Variants in FRK observed in about 807,000 individuals in gnomAD.
FRK encodes the protein fyn related Src family tyrosine kinase.
A neutral mutation model predicts 56.4 loss-of-function variants in FRK; 51 were observed. That is an observed-to-expected ratio of 0.90 (90% CI 0.72 to 1.14). The LOEUF (loss-of-function observed/expected upper bound fraction) is 1.14. Among genes scored for constraint, FRK ranks in the 50% most tolerant of loss-of-function variants. The pLI, the probability that FRK is intolerant of heterozygous loss-of-function variation, is 0.00. For missense variants in FRK, 570 were observed against 601.4 expected (o/e 0.95, Z 0.55); for synonymous variants, 245 against 217.9 (o/e 1.12, Z -1.10).
intron 5 of FRK, among the ~76,000 whole-genome samples, chr6:115,944,900 C>CCAGT (rs1772360842): frequency 6.6e-6 from 1 of 151,932 alleles, no homozygotes; most frequent in Non-Finnish European, 1.5e-5. Flanking sequence ...CTCATAGGAC[C>CCAGT]CAGTATATGT....
At position 115,936,584 on chromosome 6, in the gene FRK, G is replaced by T. The variant is rs1772048478; in HGVS notation, c.*5830C>A. ...AAGGAAGTTAAGAACACTGTAAAAA[G>T]ATTAGAGGAATTGCTAACTAGAATA... On this transcript the variant is annotated 3_prime_UTR_variant, in exon 8 of 8. Coordinates refer to ENST00000606080, the MANE Select transcript of FRK (RefSeq NM_002031.3). 1 of 152,146 alleles carries T rather than the reference G, an allele frequency of 6.6e-6. No homozygotes were observed. Among genetic ancestry groups the T allele is most frequent in the African/African-American group, 2.4e-5 (1 of 41,420 alleles). The allele number at this position is 152,146 out of a possible 1,614,324, so 9.4% of individuals were successfully genotyped here.
In FRK at chr6:115,967,653, A is replaced by C; in HGVS notation, c.697T>G (p.Ser233Ala). 6.2e-7 allele frequency: 1 copy of C among 1,613,582 alleles called. No homozygotes were observed. The highest frequency in any genetic ancestry group is 1.3e-5 in the African/African-American group (1 of 74,962). ...CCCAATCGCTTCAGAAGCTGTATGGAGTTGCGGTCTATCTCCCATTGGTCC... is the reference window on the plus strand; with the variant it reads ...CCCAATCGCTTCAGAAGCTGTATGGCGTTGCGGTCTATCTCCCATTGGTCC... ...TVDQWEIDRN[S>A]IQLLKRLGSG... The change falls in exon 4 of 8, where the codon TCC (serine) becomes GCC (alanine). Residue 233 changes from serine to alanine, a missense_variant. Physicochemically the swap from Ser to Ala is moderately conservative, Grantham distance 99. Coordinates refer to ENST00000606080, the MANE Select transcript of FRK (RefSeq NM_002031.3).
chr6:116,068,478 T>C, the FRK span, among the ~76,000 whole-genome samples: 1 of 152,198 alleles, frequency 6.6e-6, no homozygotes, highest in South Asian at 2.1e-4. Context: ...ACTTCGGAAC[T>C]TAGAAGACAT....
chr6:115,972,019 T>C (rs1773822510), intron 2 of FRK, among the ~76,000 whole-genome samples: 1 of 152,224 alleles, frequency 6.6e-6, no homozygotes, highest in East Asian at 1.9e-4. Context: ...TGCAGGCCCT[T>C]TGGGGCTTCC....
At chr6:116,051,497 C>A (rs542434213) in intron 1 of FRK, among the ~76,000 whole-genome samples, 1 of 152,170 alleles carries the variant, frequency 6.6e-6, no homozygotes, top group East Asian at 1.9e-4. Flanking sequence ...TCCAAATAAG[C>A]AATAAAGTAA....
rs762818397 is a variant in FRK, at chr6:116,060,243, T to C, written c.69A>G (p.Ala23=). The C allele has an allele frequency of 1.2e-6, 2 of 1,614,148 alleles. No individual in the cohort carries two copies. Among genetic ancestry groups the C allele is most frequent in the Non-Finnish European group, 1.7e-6 (2 of 1,180,028 alleles). ...EPYLPCLSTE[A]DKSTVIENPG... ...GATTTTCAATCACGGTTGACTTGTC[T>C]GCCTCCGTGGACAAACAGGGGAGAT... The change falls in exon 1 of 8, where the codon GCA becomes GCG. Residue 23 remains alanine (A), a synonymous_variant. Coordinates refer to ENST00000606080, the MANE Select transcript of FRK (RefSeq NM_002031.3).
At chr6:116,047,875 C>G (rs1485584037) in intron 1 of FRK, among the ~76,000 whole-genome samples, 1 of 152,188 alleles carries the variant, frequency 6.6e-6, no homozygotes, top group East Asian at 1.9e-4. Context: ...TGCAACTGTC[C>G]CATTGGCCAA....
At chr6:116,000,296 A>T (rs1183530628) in intron 2 of FRK, among the ~76,000 whole-genome samples, 1 of 126,120 alleles carries the variant, frequency 7.9e-6, no homozygotes, top group African/African-American at 3.1e-5. Context: ...AGGATGGAGT[A>T]CAATGGCGTG....
At chr6:116,092,619 T>C in the FRK span, among the ~76,000 whole-genome samples, 2 of 152,166 alleles carry the variant, frequency 1.3e-5, no homozygotes, top group East Asian at 3.9e-4. Context: ...GGAGGAAAAC[T>C]AGTGTTTCTG....
At chr6:115,958,969 C>A (rs1773214392) in intron 4 of FRK, among the ~76,000 whole-genome samples, 1 of 152,136 alleles carries the variant, frequency 6.6e-6, no homozygotes, top group Admixed American at 6.5e-5. Flanking sequence ...TGCACAAGAA[C>A]TGAAATCACA....
chr6:116,017,283 G>A (rs1775692662), intron 1 of FRK, among the ~76,000 whole-genome samples: 1 of 152,172 alleles, frequency 6.6e-6, no homozygotes, highest in Admixed American at 6.5e-5. Flanking sequence ...CAACCTAAAT[G>A]GATGTGCAAA....
chr6:116,064,476 G>T (rs571533770), upstream of FRK, among the ~76,000 whole-genome samples: 7 of 152,100 alleles, frequency 4.6e-5, no homozygotes, highest in Non-Finnish European at 1.0e-4. Flanking sequence ...ATAAAAATGG[G>T]GAGGAAATGG....
At chr6:115,956,325 C>T (rs1165261480) in intron 5 of FRK, 127 bp downstream of exon 5, 1 of 531,448 alleles carries the variant, frequency 1.9e-6, no homozygotes, top group Admixed American at 4.1e-5. Context: ...AGTGTTAAGA[C>T]ATTCATTCTC....
intron 1 of FRK, among the ~76,000 whole-genome samples, chr6:116,055,622 G>T (rs1777363374): frequency 6.6e-6 from 1 of 152,126 alleles, no homozygotes; most frequent in African/African-American, 2.4e-5. Flanking sequence ...GGCCTTTATT[G>T]TTTCACACAT....
intron 5 of FRK, 66 bp from the exon 6 acceptor site, chr6:115,944,491 G>A (rs1263646426): frequency 1.5e-5 from 20 of 1,307,484 alleles, no homozygotes; most frequent in Non-Finnish European, 1.7e-5. Context: ...AGTGAATTCT[G>A]AGAATTTTGA....
At position 116,018,306 on chromosome 6, in the gene FRK, T is replaced by C. The variant is rs553515919; in HGVS notation, c.345-14308A>G. On this transcript the variant is annotated intron_variant, in intron 1 of 7. Coordinates refer to ENST00000606080, the MANE Select transcript of FRK (RefSeq NM_002031.3). The stretch of plus-strand genomic sequence containing the variant: ...ATTAAGGCCCATCTATTCCATGTCT[T>C]TATTCTCAGCAGCACAAACAGCCAG... Among the ~76,000 whole-genome samples, 16 of 152,308 alleles carry C rather than the reference T, an allele frequency of 1.1e-4. No individual in the cohort carries two copies. In the East Asian group the frequency reaches 1.5e-3, roughly 15 times the overall value.
intron 2 of FRK, among the ~76,000 whole-genome samples, chr6:115,987,229 C>T (rs988432780): frequency 2.6e-5 from 4 of 152,018 alleles, no homozygotes; most frequent in African/African-American, 4.8e-5. Context: ...ACACCACCAC[C>T]AAGAGGTAGG....
chr6:115,944,407 A>G lies in FRK; in HGVS notation c.977T>C (p.Ile326Thr), dbSNP rs1562248228. 1 of 1,607,840 alleles carries G rather than the reference A, an allele frequency of 6.2e-7. No individual in the cohort carries two copies. Among genetic ancestry groups the G allele is most frequent in the East Asian group, 2.2e-5 (1 of 44,846 alleles). Residue 326 changes from isoleucine to threonine, a missense_variant, in exon 6 of 8, where the codon ATC becomes ACC. By Grantham distance (89) the Ile-to-Thr change is moderately conservative (BLOSUM62 -1). Coordinates refer to ENST00000606080, the MANE Select transcript of FRK (RefSeq NM_002031.3). ...CATGTCTACCTGTTGAGTCAGATGG[A>G]TTTTTGATCCAGTGTCATCTAAGTA... Reference protein sequence around the residue: ...EYLQNDTGSKIHLTQQVDMAA... With the variant: ...EYLQNDTGSKTHLTQQVDMAA...
At chr6:115,974,158 A>T (rs1214551577) in intron 2 of FRK, among the ~76,000 whole-genome samples, 1 of 152,170 alleles carries the variant, frequency 6.6e-6, no homozygotes, top group Non-Finnish European at 1.5e-5. Flanking sequence ...AAACAAGATG[A>T]ACTATCTACT....
Sources: gnomAD v4.1 joint callset for allele counts (sites outside exome capture counted in the v4.1 genomes callset) on GRCh38, gnomAD v4.1.1 for gene constraint, MANE v1.5 for transcripts, NCBI Gene and HGNC (gene_info 2026-07-23, HGNC 2026-07-21) for gene names.